The following MED17 variants were observed in gnomAD, a reference collection of about 807,000 sequenced individuals.
The protein encoded by MED17 is mediator complex subunit 17.
A neutral mutation model predicts 80.8 loss-of-function variants in MED17; 49 were observed. The observed-to-expected ratio is 0.61, with a 90% CI of 0.48 to 0.77. The LOEUF is 0.77. Ranked by LOEUF, MED17 falls within the 30% of genes least tolerant of loss-of-function variation. MED17 has a pLI of 0.00. For synonymous variants in MED17, 281 were observed against 280.4 expected (o/e 1.00, Z -0.02); for missense variants, 718 against 787.0 (o/e 0.91, Z 1.05).
intron 11 of MED17, chr11:93,810,724 G>A (rs1301223639): frequency 1.3e-5 from 2 of 152,230 alleles, no homozygotes; most frequent in African/African-American, 2.4e-5. Flanking sequence ...CCTTCTACGA[G>A]TGGGCACTTT....
chr11:93,803,784 G>T (rs1164394631), intron 9 of MED17, among the ~76,000 whole-genome samples: 2 of 151,832 alleles, frequency 1.3e-5, no homozygotes, highest in African/African-American at 4.8e-5. Context: ...TGGGATTATG[G>T]TTACAGGTCC....
At chr11:93,787,274 G>A (rs1026758327) in intron 1 of MED17, among the ~76,000 whole-genome samples, 1 of 152,160 alleles carries the variant, frequency 6.6e-6, no homozygotes, top group South Asian at 2.1e-4. Context: ...TTAGCTGGGC[G>A]TGGTGGTGGG....
At position 93,811,945 on chromosome 11, in the gene MED17, A is replaced by G; in HGVS notation, c.1837A>G (p.Asn613Asp). 4 of 1,613,982 alleles carry G rather than the reference A, an allele frequency of 2.5e-6. No individual in the cohort carries two copies. Among genetic ancestry groups the G allele is most frequent in the East Asian group, 2.2e-5 (1 of 44,854 alleles). The change falls in exon 12 of 12, where the codon AAC (asparagine) becomes GAC (aspartate). Residue 613 changes from asparagine (N) to aspartate (D), a missense_variant. Physicochemically the swap from Asn to Asp is conservative, Grantham distance 23. Coordinates refer to ENST00000251871, the MANE Select transcript of MED17 (RefSeq NM_004268.5). ...TCCAAAAAGTGATGTTTTACAAGAT[A>G]ACAAATGGAGTCATCTTCGTGGGCC... ...DLPKSDVLQD[N>D]KWSHLRGPFK...
At chr11:93,803,477 A>ACTATGTTTTCATTTTTT (rs1943983832) in intron 9 of MED17, among the ~76,000 whole-genome samples, 1 of 152,192 alleles carries the variant, frequency 6.6e-6, no homozygotes, top group Non-Finnish European at 1.5e-5. Context: ...CCCCTTATCT[A>ACTATGTTTTCATTTTTT]AAGAAAGAAT....
At chr11:93,787,274 G>T (rs1026758327) in intron 1 of MED17, among the ~76,000 whole-genome samples, 1 of 152,042 alleles carries the variant, frequency 6.6e-6, no homozygotes, top group Non-Finnish European at 1.5e-5. Flanking sequence ...TTAGCTGGGC[G>T]TGGTGGTGGG....
intron 11 of MED17, chr11:93,810,237 G>A (rs998599402): frequency 3.5e-5 from 9 of 255,086 alleles, no homozygotes; most frequent in Non-Finnish European, 4.7e-5. Context: ...GTAAAGGGAT[G>A]GAACAGAGAG....
chr11:93,785,047 T>TG (rs1943754541), intron 1 of MED17: 1 of 534,412 alleles, frequency 1.9e-6, no homozygotes, highest in Non-Finnish European at 3.3e-6. Context: ...GGGCCTTTAA[T>TG]GTAGCACACT....
At chr11:93,799,957 A>T (rs1375653014) in intron 8 of MED17, among the ~76,000 whole-genome samples, 1 of 151,472 alleles carries the variant, frequency 6.6e-6, no homozygotes, top group Admixed American at 6.6e-5. Context: ...AAACAAACAA[A>T]TTTTTTACCT....
chr11:93,811,428 T>C (rs568209471), intron 11 of MED17: 52 of 201,422 alleles, frequency 2.6e-4, no homozygotes, highest in Non-Finnish European at 5.0e-4. Flanking sequence ...CCCAGCACTT[T>C]GGGAGGCTGA....
chr11:93,799,466 G>A (rs778284527), intron 8 of MED17, among the ~76,000 whole-genome samples: 12 of 152,122 alleles, frequency 7.9e-5, no homozygotes, highest in Non-Finnish European at 1.3e-4. Context: ...GTGGGCCACC[G>A]TGCCTGGCCA....
chr11:93,802,253 C>G (rs1004473758), intron 9 of MED17, among the ~76,000 whole-genome samples: 2 of 151,932 alleles, frequency 1.3e-5, no homozygotes, highest in Non-Finnish European at 2.9e-5. Flanking sequence ...TAGGCATGTG[C>G]CCCCATGCCC....
chr11:93,812,424 T>C lies in MED17; in HGVS notation c.*360T>C, dbSNP rs1023160908. On this transcript the variant is annotated 3_prime_UTR_variant, in exon 12 of 12. Transcript: ENST00000251871. The stretch of plus-strand genomic sequence containing the variant: ...AAAAAAATCTCCAAATACCTTTTTT[T>C]CCCCCCAAATACTTTCTAAACTTTT... 13 of 468,634 alleles carry C rather than the reference T, an allele frequency of 2.8e-5. No homozygotes were observed. The highest frequency in any genetic ancestry group is 2.1e-4 in the East Asian group (6 of 28,790). 29.0% of individuals were successfully genotyped at this position (468,634 alleles called of 1,614,324 possible).
chr11:93,796,680 G>GT, intron 7 of MED17, 140 bp downstream of exon 7: 1 of 997,134 alleles, frequency 1.0e-6, no homozygotes, highest in Non-Finnish European at 1.6e-6. Context: ...GATCCTTGCT[G>GT]TGTGCTAGGG....
At chr11:93,792,146 G>A (rs1453291309) in intron 3 of MED17, among the ~76,000 whole-genome samples, 1 of 152,120 alleles carries the variant, frequency 6.6e-6, no homozygotes. Context: ...CAGGGGAGGA[G>A]GCAAGAAGTC....
intron 3 of MED17, among the ~76,000 whole-genome samples, chr11:93,792,659 G>A (rs1943849911): frequency 6.6e-6 from 1 of 152,080 alleles, no homozygotes; most frequent in Admixed American, 6.5e-5. Context: ...TCTAGGAACT[G>A]GGCTGGGCAT....
chr11:93,813,003 C>T lies in MED17; in HGVS notation c.*939C>T, dbSNP rs762658720. 11 of 152,234 alleles carry T rather than the reference C, an allele frequency of 7.2e-5. No homozygotes were observed. The highest frequency in any genetic ancestry group is 1.6e-4 in the Non-Finnish European group (11 of 68,084). The allele number at this position is 152,234 out of a possible 1,614,324, so 9.4% of individuals were successfully genotyped here. A position where few individuals can be genotyped will look rare whatever the true frequency, so the allele number is the denominator to read the frequency against. On this transcript the variant is annotated 3_prime_UTR_variant, in exon 12 of 12. Transcript: ENST00000251871. The stretch of plus-strand genomic sequence containing the variant: ...ACCCAGCAGCCCTGGATTGCTTTCT[C>T]CAATTAAGGCCTTTCCATCAGCTCT...
At chr11:93,807,744 A>T (rs973715211) in intron 10 of MED17, 109 bp downstream of exon 10, 8 of 791,870 alleles carry the variant, frequency 1.0e-5, no homozygotes, top group East Asian at 4.9e-5. Flanking sequence ...AAGAAAAAAA[A>T]TTTTTTTCCA....
intron 9 of MED17, chr11:93,806,018 T>C (rs1266521898): frequency 7.0e-6 from 1 of 143,464 alleles, no homozygotes; most frequent in Non-Finnish European, 1.5e-5. Context: ...AGTTTTGCTC[T>C]GTCGCCAGAT....
chr11:93,786,140 T>C (rs1943767537), intron 1 of MED17, among the ~76,000 whole-genome samples: 1 of 152,208 alleles, frequency 6.6e-6, no homozygotes, highest in South Asian at 2.1e-4. Context: ...TCTACACATA[T>C]AACACAAATT....
Sources: allele counts gnomAD v4.1 joint callset (sites outside exome capture counted in the v4.1 genomes callset), GRCh38; gene constraint gnomAD v4.1.1; transcripts MANE v1.5; gene names NCBI Gene and HGNC (gene_info 2026-07-23, HGNC 2026-07-21).